The following ZSWIM5 variants were observed in gnomAD, a reference collection of about 807,000 sequenced individuals.
ZSWIM5 encodes zinc finger SWIM domain-containing protein 5.
ZSWIM5 carries 55 observed loss-of-function variants against 119.6 expected under a neutral mutation model. The ratio of observed to expected loss-of-function variants is 0.46; its 90% CI spans 0.37 to 0.58. ZSWIM5 has a LOEUF of 0.58. Ranked by LOEUF, ZSWIM5 falls within the 20% of genes least tolerant of loss-of-function variation. The probability of loss-of-function intolerance (pLI) is 0.00; values close to 1 mark genes in which losing one functional copy is unlikely to be tolerated. For missense variants in ZSWIM5, 1,193 were observed against 1,512.8 expected, an observed-to-expected ratio of 0.79 and a Z score of 3.51; for synonymous variants, 537 against 606.9, an observed-to-expected ratio of 0.88 and a Z score of 1.69.
chr1:45,035,788 G>A lies in ZSWIM5; in HGVS notation c.2191C>T (p.Arg731Ter), dbSNP rs200273650. The change falls in exon 10 of 14, where the codon CGA becomes TGA. Residue 731 changes from arginine (R) to a stop codon, truncating the protein, a stop_gained. Transcript: ENST00000359600. LOFTEE classifies it high-confidence loss of function. Reference protein sequence around the residue: ...PFSGLGEVIHRESVPMHTFAK... With the variant: ...PFSGLGEVIH ...AAGGTATGCATGGGAACACTCTCTC[G>A]GTGGATGACTTCTCCCAGACCGCTG... The A allele has an allele frequency of 5.0e-6, 8 of 1,613,560 alleles. No individual in the cohort carries two copies. Among genetic ancestry groups the A allele is most frequent in the African/African-American group, 2.7e-5 (2 of 74,850 alleles).
intron 1 of ZSWIM5, among the ~76,000 whole-genome samples, chr1:45,107,474 T>TA (rs1349490907): frequency 4.0e-5 from 6 of 150,768 alleles, no homozygotes; most frequent in East Asian, 3.9e-4. Flanking sequence ...CTGTCTCTAC[T>TA]AAAAAAAATA....
chr1:45,108,141 G>A (rs1645493300), intron 1 of ZSWIM5, among the ~76,000 whole-genome samples: 3 of 152,036 alleles, frequency 2.0e-5, no homozygotes. Flanking sequence ...ACATAGATTG[G>A]GAAAAATAAA....
chr1:45,033,697 T>A (rs1644965681), intron 11 of ZSWIM5, among the ~76,000 whole-genome samples: 1 of 152,120 alleles, frequency 6.6e-6, no homozygotes, highest in African/African-American at 2.4e-5. Context: ...GGCTGACAGG[T>A]CATTGACAAT....
At chr1:45,087,005 TC>T (rs1240433411) in intron 2 of ZSWIM5, among the ~76,000 whole-genome samples, 1 of 150,080 alleles carries the variant, frequency 6.7e-6, no homozygotes, top group African/African-American at 2.5e-5. Context: ...CGCCTCAGCC[TC>T]CAAAGTAGCT....
intron 5 of ZSWIM5, among the ~76,000 whole-genome samples, chr1:45,044,020 C>T (rs1381608814): frequency 6.6e-6 from 1 of 151,838 alleles, no homozygotes; most frequent in Admixed American, 6.6e-5. Flanking sequence ...ACTGTCTCTA[C>T]AAAAAATAAA....
chr1:45,175,152 A>G (rs1427559393), intron 1 of ZSWIM5, among the ~76,000 whole-genome samples: 1 of 152,064 alleles, frequency 6.6e-6, no homozygotes, highest in African/African-American at 2.4e-5. Context: ...CAGGCTAGCT[A>G]TTTTGAAGAA....
rs1645345426 is a variant in ZSWIM5 at position 45,088,516 on chromosome 1, G to A, written c.596-279C>T. 6.6e-6 allele frequency among the ~76,000 whole-genome samples: 1 copy of A among 152,114 alleles called. No individual in the cohort carries two copies. The highest frequency in any genetic ancestry group is 2.4e-5 in the African/African-American group (1 of 41,412). On this transcript the variant is annotated intron_variant, in intron 1 of 13. Coordinates refer to ENST00000359600, the MANE Select transcript of ZSWIM5 (RefSeq NM_020883.2). The surrounding 1 kb of genome is among the most constrained non-coding windows in gnomAD (Gnocchi z 4.2). ...TGTACGTGTATACATTTTTCTGGGG[G>A]TGGGGATAGTTCATAGCTATCATCA...
At chr1:45,197,684 TA>T (rs963669289) in intron 1 of ZSWIM5, among the ~76,000 whole-genome samples, 3 of 152,214 alleles carry the variant, frequency 2.0e-5, no homozygotes, top group African/African-American at 2.4e-5. Context: ...ATGAGTATTA[TA>T]AAAAAACTGC....
intron 1 of ZSWIM5, among the ~76,000 whole-genome samples, chr1:45,143,614 T>A (rs1283139362): frequency 6.8e-6 from 1 of 147,940 alleles, no homozygotes; most frequent in Non-Finnish European, 1.5e-5. Flanking sequence ...AATAAGGCAA[T>A]GATGTACACT....
rs556696125 is a variant in ZSWIM5 at position 45,083,709 on chromosome 1, T to C, written c.952+4172A>G. ...GTAGCTAAGTTATTGTATTAGTCTG[T>C]TCTTGCACTGCTATAAAGAAATAAC... On this transcript the variant is annotated intron_variant, in intron 2 of 13. Coordinates refer to ENST00000359600, the MANE Select transcript of ZSWIM5 (RefSeq NM_020883.2). Among the ~76,000 whole-genome samples, 8 of 152,316 alleles carry C rather than the reference T, an allele frequency of 5.3e-5. No individual in the cohort carries two copies. In the East Asian group the frequency reaches 1.5e-3, roughly 29 times the overall value.
chr1:45,202,051 G>A (rs2149057888), intron 1 of ZSWIM5, among the ~76,000 whole-genome samples: 1 of 152,112 alleles, frequency 6.6e-6, no homozygotes, highest in African/African-American at 2.4e-5. Flanking sequence ...AAAAGATAAT[G>A]TGATTTAAAA....
At chr1:45,185,006 A>G (rs1472806215) in intron 1 of ZSWIM5, among the ~76,000 whole-genome samples, 2 of 152,222 alleles carry the variant, frequency 1.3e-5, no homozygotes, top group African/African-American at 4.8e-5. Flanking sequence ...ACTATACTAC[A>G]AGGCTACAGT....
intron 11 of ZSWIM5, among the ~76,000 whole-genome samples, chr1:45,026,902 C>T (rs1644923825): frequency 6.6e-6 from 1 of 151,424 alleles, no homozygotes; most frequent in Non-Finnish European, 1.5e-5. Context: ...AAATATAGGC[C>T]TATTCAGATT....
intron 1 of ZSWIM5, among the ~76,000 whole-genome samples, chr1:45,180,684 C>G (rs202160022): frequency 6.6e-6 from 1 of 152,144 alleles, no homozygotes; most frequent in Non-Finnish European, 1.5e-5. Flanking sequence ...AGGCACCCCC[C>G]AGTAGGGGCA....
chr1:45,145,232 C>T lies in ZSWIM5; in HGVS notation c.596-56995G>A, dbSNP rs113931516. Among the ~76,000 whole-genome samples, 1,510 of 151,952 alleles carry T rather than the reference C, an allele frequency of 9.9e-3. 29 individuals are homozygous for T. Among genetic ancestry groups the T allele is most frequent in the African/African-American group, 0.035 (1,448 of 41,444 alleles). The stretch of plus-strand genomic sequence containing the variant: ...TGGCGTGAATACAAAATGGTACAGG[C>T]GCTCTGGAAAAGCATTTGTCAGTTT... On this transcript the variant is annotated intron_variant, in intron 1 of 13. Coordinates refer to ENST00000359600, the MANE Select transcript of ZSWIM5 (RefSeq NM_020883.2).
Position 45,019,404 on chromosome 1 carries a change from T to C in ZSWIM5, c.2696-88A>G, listed in dbSNP as rs1303750019. On this transcript the variant is annotated intron_variant, in intron 13 of 13. Transcript: ENST00000359600. The surrounding 1 kb of genome is among the most constrained non-coding windows in gnomAD (Gnocchi z 5.0). Reference sequence around the variant, plus strand: ...TACCATTTGGGGTTTGAACTTGGCCTGCAGAGATGAATTCTTCCTCCTCAG... The same window carrying C: ...TACCATTTGGGGTTTGAACTTGGCCCGCAGAGATGAATTCTTCCTCCTCAG... 2 of 1,498,302 alleles carry C rather than the reference T, an allele frequency of 1.3e-6. No homozygotes were observed. Among genetic ancestry groups the C allele is most frequent in the Non-Finnish European group, 1.8e-6 (2 of 1,124,642 alleles). 92.8% of individuals were successfully genotyped at this position (1,498,302 alleles called of 1,614,324 possible). A position where few individuals can be genotyped will look rare whatever the true frequency, so the allele number is the denominator to read the frequency against.
At chr1:45,126,999 C>G (rs1262962741) in intron 1 of ZSWIM5, among the ~76,000 whole-genome samples, 1 of 152,084 alleles carries the variant, frequency 6.6e-6, no homozygotes, top group Non-Finnish European at 1.5e-5. Flanking sequence ...ACACTGTGAC[C>G]AGCTGCCAAA....
At chr1:45,187,369 T>A (rs1184434381) in intron 1 of ZSWIM5, among the ~76,000 whole-genome samples, 1 of 152,070 alleles carries the variant, frequency 6.6e-6, no homozygotes, top group African/African-American at 2.4e-5. Flanking sequence ...TTTCACCAAA[T>A]AATGCTGGAA....
At chr1:45,157,260 G>A (rs771667304) in intron 1 of ZSWIM5, among the ~76,000 whole-genome samples, 3 of 151,826 alleles carry the variant, frequency 2.0e-5, no homozygotes, top group Non-Finnish European at 2.9e-5. Context: ...CTGCAGCCTC[G>A]ACCTCCTGGG....
Sources: gnomAD v4.1 joint callset for allele counts (sites outside exome capture counted in the v4.1 genomes callset) on GRCh38, gnomAD v4.1.1 for gene constraint, Gnocchi (gnomAD v3.1) non-coding constraint, MANE v1.5 for transcripts, NCBI Gene and HGNC (gene_info 2026-07-23, HGNC 2026-07-21) for gene names.